Variants in ERCC6L2 observed in about 807,000 individuals in gnomAD.
ERCC6L2 encodes the protein DNA excision repair protein ERCC-6-like 2.
Under a neutral mutation model 132.0 loss-of-function variants are expected in ERCC6L2, and 77 were observed. The observed-to-expected ratio is 0.58, with a 90% confidence interval of 0.49 to 0.71. The LOEUF is 0.71. Ranked by LOEUF, ERCC6L2 falls within the 30% of genes least tolerant of loss-of-function variation. The probability of loss-of-function intolerance (pLI) is 0.00; values close to 1 mark genes in which losing one functional copy is unlikely to be tolerated. For synonymous variants in ERCC6L2, 583 were observed against 632.4 expected, an observed-to-expected ratio of 0.92 and a Z score of 1.17; for missense variants, 1,542 against 1,837.6, an observed-to-expected ratio of 0.84 and a Z score of 2.94.
At chr9:95,982,901 C>T (rs974992305) in intron 17 of ERCC6L2, among the ~76,000 whole-genome samples, 11 of 152,160 alleles carry the variant, frequency 7.2e-5, no homozygotes, top group East Asian at 1.9e-4. Context: ...AGACCTATTC[C>T]CCTGCTAGCT....
intron 4 of ERCC6L2, among the ~76,000 whole-genome samples, chr9:95,909,627 A>G (rs1291816045): frequency 6.6e-6 from 1 of 152,200 alleles, no homozygotes; most frequent in East Asian, 1.9e-4. Flanking sequence ...TGAGGAGTGT[A>G]TCAGTGATTG....
At chr9:95,892,541 G>T (rs771286214) in intron 2 of ERCC6L2, among the ~76,000 whole-genome samples, 37 of 150,714 alleles carry the variant, frequency 2.5e-4, no homozygotes, top group Non-Finnish European at 1.0e-4. Flanking sequence ...TCATGCCTCA[G>T]CCTCCCAAGT....
intron 2 of ERCC6L2, among the ~76,000 whole-genome samples, chr9:95,886,191 A>G (rs572980607): frequency 1.3e-5 from 2 of 151,886 alleles, no homozygotes; most frequent in African/African-American, 2.4e-5. Context: ...AATTTTTTGT[A>G]TTTTTGGTAG....
chr9:95,878,637 T>TATCCCTCCC (rs1204931448), intron 1 of ERCC6L2, among the ~76,000 whole-genome samples: 1 of 151,982 alleles, frequency 6.6e-6, no homozygotes, highest in Admixed American at 6.6e-5. Context: ...GTATATCTCC[T>TATCCCTCCC]AAAGCTATCC....
intron 13 of ERCC6L2, among the ~76,000 whole-genome samples, chr9:95,961,591 A>T (rs533628575): frequency 6.6e-6 from 1 of 152,282 alleles, no homozygotes; most frequent in South Asian, 2.1e-4. Context: ...TGTAAATTTG[A>T]CTATATTTTT....
chr9:95,935,865 A>G (rs1028648412), intron 11 of ERCC6L2, among the ~76,000 whole-genome samples: 35 of 152,290 alleles, frequency 2.3e-4, no homozygotes, highest in African/African-American at 8.2e-4. Context: ...CATACTTACT[A>G]ACTTGTAAGG....
At chr9:96,018,675 G>A (rs1340909477), downstream of ERCC6L2, among the ~76,000 whole-genome samples, 2 of 148,300 alleles carry the variant, frequency 1.3e-5, no homozygotes, top group African/African-American at 5.0e-5. Context: ...TCGCCATGTT[G>A]CCCAGGTCTG....
Position 95,956,016 on chromosome 9 carries a change from A to G in ERCC6L2, c.1947+3A>G, listed in dbSNP as rs755547765. 1 of 1,542,284 alleles carries G rather than the reference A, an allele frequency of 6.5e-7. No homozygotes were observed. Among genetic ancestry groups the G allele is most frequent in the South Asian group, 1.2e-5 (1 of 83,586 alleles). On this transcript the variant is annotated splice_donor_region_variant and intron_variant, in intron 13 of 18. Coordinates refer to ENST00000653738, the MANE Select transcript of ERCC6L2 (RefSeq NM_020207.7). The stretch of plus-strand genomic sequence containing the variant: ...ATTTACGACAGATATACAAGCAGGT[A>G]AATATGTTTCCCTTTTTCTGTTTCA...
rs1391232075 is a variant in ERCC6L2 at position 96,012,903 on chromosome 9, T to G, written c.4353T>G (p.Ser1451Arg). The stretch of plus-strand genomic sequence containing the variant: ...CTATTCTTGATGACCTTTTTAAAAG[T>G]CATGGGAACAGTCCCACACAACTGC... Reference protein sequence around the residue: ...DTSILDDLFKSHGNSPTQLPK... With the variant: ...DTSILDDLFKRHGNSPTQLPK... Residue 1451 changes from serine to arginine, a missense_variant, in exon 19 of 19, where the codon AGT (serine) becomes AGG (arginine). Ser to Arg is a moderately radical substitution (Grantham distance 110). Transcript: ENST00000653738. The G allele has an allele frequency of 5.1e-6, 7 of 1,367,474 alleles. No individual in the cohort carries two copies. Among genetic ancestry groups the G allele is most frequent in the Non-Finnish European group, 5.9e-6 (6 of 1,021,820 alleles). 84.7% of individuals were successfully genotyped at this position (1,367,474 alleles called of 1,614,324 possible). A position where few individuals can be genotyped will look rare whatever the true frequency, so the allele number is the denominator to read the frequency against.
At chr9:96,023,747 C>T (rs1030197321) in intron 19 of ERCC6L2, among the ~76,000 whole-genome samples, 1 of 152,262 alleles carries the variant, frequency 6.6e-6, no homozygotes, top group East Asian at 1.9e-4. Context: ...CACATAGAGA[C>T]TTAAAGGTTT....
At chr9:95,983,656 C>T (rs1339734276) in intron 17 of ERCC6L2, among the ~76,000 whole-genome samples, 2 of 152,150 alleles carry the variant, frequency 1.3e-5, no homozygotes, top group Non-Finnish European at 2.9e-5. Flanking sequence ...CACCTATTGC[C>T]TTGTCATCTG....
chr9:96,004,818 AAAAATC>A, intron 18 of ERCC6L2, 117 bp downstream of exon 18: 1 of 655,404 alleles, frequency 1.5e-6, no homozygotes, highest in Non-Finnish European at 2.3e-6. Context: ...AATATTTCAG[AAAAATC>A]TGAATTTCAA....
chr9:95,883,771 T>C (rs1421599316), intron 2 of ERCC6L2, among the ~76,000 whole-genome samples: 1 of 152,162 alleles, frequency 6.6e-6, no homozygotes, highest in African/African-American at 2.4e-5. Flanking sequence ...GGCAGGAGAA[T>C]CTCTTGAACC....
At chr9:95,929,134 G>A (rs967915562) in intron 11 of ERCC6L2, 2 of 237,638 alleles carry the variant, frequency 8.4e-6, no homozygotes, top group Non-Finnish European at 1.6e-5. Context: ...TTCCATGGTA[G>A]TGTTTTGACC....
At chr9:96,040,425 A>T (rs991405503) in intron 20 of ERCC6L2, among the ~76,000 whole-genome samples, 1 of 152,152 alleles carries the variant, frequency 6.6e-6, no homozygotes, top group African/African-American at 2.4e-5. Context: ...TCCTCGTGTG[A>T]ACCAATTCTC....
chr9:95,961,971 A>T (rs1273957220), intron 13 of ERCC6L2, among the ~76,000 whole-genome samples: 1 of 150,702 alleles, frequency 6.6e-6, no homozygotes, highest in Non-Finnish European at 1.5e-5. Context: ...AACCGCCCAC[A>T]TGATTCAGTT....
chr9:95,904,748 C>T (rs1480606652), intron 3 of ERCC6L2, among the ~76,000 whole-genome samples: 1 of 152,178 alleles, frequency 6.6e-6, no homozygotes, highest in Non-Finnish European at 1.5e-5. Flanking sequence ...TATCTCATCA[C>T]AGTCCACACT....
intron 14 of ERCC6L2, chr9:95,966,949 A>G (rs1345698348): frequency 3.1e-6 from 1 of 320,354 alleles, no homozygotes; most frequent in East Asian, 5.0e-5. Context: ...TATGCTGGGT[A>G]GTATGAACTC....
chr9:95,884,713 A>G (rs1310514624), intron 2 of ERCC6L2, among the ~76,000 whole-genome samples: 1 of 152,208 alleles, frequency 6.6e-6, no homozygotes, highest in East Asian at 1.9e-4. Flanking sequence ...CATAGAAATC[A>G]TTGGTATGCT....
Sources: gnomAD v4.1 joint callset for allele counts (sites outside exome capture counted in the v4.1 genomes callset) on GRCh38, gnomAD v4.1.1 for gene constraint, MANE v1.5 for transcripts, NCBI Gene and HGNC (gene_info 2026-07-23, HGNC 2026-07-21) for gene names.